CCNY: variants seen among roughly 807,000 people sequenced by gnomAD.
CCNY encodes the protein cyclin Y.
In CCNY, 19 loss-of-function variants were observed where a neutral mutation model predicts 42.8. That is an observed-to-expected ratio of 0.44 (90% CI 0.31 to 0.65). The LOEUF is 0.65. Among genes scored for constraint, CCNY ranks in the 30% least tolerant of loss-of-function variants. The pLI is 0.07. For synonymous variants in CCNY, 165 were observed against 162.7 expected, an observed-to-expected ratio of 1.01 and a Z score of -0.11; for missense variants, 370 against 437.3, an observed-to-expected ratio of 0.85 and a Z score of 1.37.
chr10:35,439,356 C>A (rs186317027), intron 1 of CCNY, among the ~76,000 whole-genome samples: 1 of 152,176 alleles, frequency 6.6e-6, no homozygotes. Flanking sequence ...TTCTTTTGTT[C>A]CATCTTTCAG....
At chr10:35,537,212 G>A (rs1840904401) in intron 7 of CCNY, among the ~76,000 whole-genome samples, 1 of 152,248 alleles carries the variant, frequency 6.6e-6, no homozygotes, top group African/African-American at 2.4e-5. Context: ...GTGTCCAGAA[G>A]TCAAGAATTG....
chr10:35,418,635 T>C (rs535880492), intron 1 of CCNY, among the ~76,000 whole-genome samples: 17 of 151,850 alleles, frequency 1.1e-4, no homozygotes, highest in Middle Eastern at 3.4e-3. Flanking sequence ...GAGTAGAGGG[T>C]GCTCAAGTGT....
At chr10:35,539,457 A>G (rs1840951696) in intron 7 of CCNY, among the ~76,000 whole-genome samples, 1 of 152,150 alleles carries the variant, frequency 6.6e-6, no homozygotes, top group African/African-American at 2.4e-5. Context: ...GTTTTTCTAT[A>G]GTTTTCAGTA....
intron 3 of CCNY, among the ~76,000 whole-genome samples, chr10:35,267,082 T>TCA (rs1428241933): frequency 1.2e-5 from 1 of 85,012 alleles, no homozygotes; most frequent in Non-Finnish European, 2.6e-5. Context: ...GACTTCTGTC[T>TCA]CAAAAAAAAA....
chr10:35,522,812 A>G (rs934877763), intron 4 of CCNY, among the ~76,000 whole-genome samples: 2 of 152,190 alleles, frequency 1.3e-5, no homozygotes, highest in African/African-American at 4.8e-5. Context: ...AATATGAAAG[A>G]TTGTCCTATA....
At chr10:35,483,521 G>A in intron 2 of CCNY, 43 bp downstream of exon 2, 1 of 1,269,632 alleles carries the variant, frequency 7.9e-7, no homozygotes, top group South Asian at 1.3e-5. Context: ...AAAGGCTCAT[G>A]TTGGTACTTC....
intron 4 of CCNY, among the ~76,000 whole-genome samples, chr10:35,517,370 C>CCTGT (rs1274043638): frequency 2.0e-5 from 3 of 152,116 alleles, no homozygotes; most frequent in Non-Finnish European, 4.4e-5. Flanking sequence ...TGTGCTTGGG[C>CCTGT]CTGTGGTCAG....
chr10:35,370,887 G>T lies in CCNY; in HGVS notation c.154+33680G>T, dbSNP rs971576653. ...CCTGCCACCACGCCCGGCTAATTTT[G>T]TGTATTTTTAGTAGAGACAGGGTTT... is the stretch of plus-strand genomic sequence containing the variant. On this transcript the variant is annotated intron_variant, in intron 1 of 9. Coordinates refer to ENST00000374704, the MANE Select transcript of CCNY (RefSeq NM_145012.6). Among the ~76,000 whole-genome samples, 490 of 149,778 alleles carry T rather than the reference G, an allele frequency of 3.3e-3. 3 individuals carry two copies. Among genetic ancestry groups the T allele is most frequent in the African/African-American group, 0.011 (459 of 40,122 alleles).
intron 3 of CCNY, among the ~76,000 whole-genome samples, chr10:35,274,243 C>T (rs1295025020): frequency 2.6e-5 from 4 of 152,238 alleles, no homozygotes; most frequent in African/African-American, 7.2e-5. Context: ...AACCATCAGA[C>T]CTTGTGAGAC....
intron 2 of CCNY, among the ~76,000 whole-genome samples, chr10:35,498,974 G>A (rs901751513): frequency 2.0e-5 from 3 of 152,194 alleles, no homozygotes; most frequent in Non-Finnish European, 4.4e-5. Context: ...TTCTGTAATA[G>A]TCTTAGTGAA....
intron 1 of CCNY, among the ~76,000 whole-genome samples, chr10:35,425,110 GAC>G (rs890174103): frequency 6.6e-6 from 1 of 152,204 alleles, no homozygotes; most frequent in African/African-American, 2.4e-5. Context: ...ATGCACGGGA[GAC>G]ACACACTGTT....
chr10:35,494,238 C>CCA (rs1554794893), intron 2 of CCNY, among the ~76,000 whole-genome samples: 1 of 141,020 alleles, frequency 7.1e-6, no homozygotes, highest in African/African-American at 2.6e-5. Flanking sequence ...AGTGAGACCC[C>CCA]CCCCCCCATT....
intron 1 of CCNY, among the ~76,000 whole-genome samples, chr10:35,433,302 T>C (rs1253932900): frequency 6.6e-6 from 1 of 152,186 alleles, no homozygotes; most frequent in African/African-American, 2.4e-5. Context: ...TTGTACTCTC[T>C]TCTCAGCTTT....
chr10:35,344,807 T>G (rs946849882), intron 1 of CCNY, among the ~76,000 whole-genome samples: 3 of 152,066 alleles, frequency 2.0e-5, no homozygotes, highest in Non-Finnish European at 2.9e-5. Flanking sequence ...TTCCCACCTA[T>G]GAGTGAGAAC....
At chr10:35,383,272 TAG>T (rs1837230017) in intron 1 of CCNY, among the ~76,000 whole-genome samples, 2 of 152,048 alleles carry the variant, frequency 1.3e-5, no homozygotes, top group Non-Finnish European at 2.9e-5. Flanking sequence ...CTTAGTAAAG[TAG>T]GAAATTGAAC....
chr10:35,388,357 G>A (rs1357167564), intron 1 of CCNY, among the ~76,000 whole-genome samples: 4 of 152,196 alleles, frequency 2.6e-5, no homozygotes. Flanking sequence ...GTACTAGGTG[G>A]CACTGCAGTT....
chr10:35,465,757 TC>T (rs1158951905), intron 1 of CCNY, among the ~76,000 whole-genome samples: 2 of 152,130 alleles, frequency 1.3e-5, no homozygotes, highest in African/African-American at 4.8e-5. Flanking sequence ...CAAATAAAAA[TC>T]CAGCTCTGCG....
chr10:35,416,893 A>G (rs761903880), intron 1 of CCNY, among the ~76,000 whole-genome samples: 1 of 152,320 alleles, frequency 6.6e-6, no homozygotes, highest in Non-Finnish European at 1.5e-5. Flanking sequence ...ACCAGGGAAG[A>G]GAAAGCCCAG....
At chr10:35,274,501 C>T (rs1835214567) in intron 3 of CCNY, among the ~76,000 whole-genome samples, 1 of 152,196 alleles carries the variant, frequency 6.6e-6, no homozygotes, top group Non-Finnish European at 1.5e-5. Context: ...GGCTCCTAAA[C>T]CTGCACAGAG....
Sources: allele counts gnomAD v4.1 joint callset (sites outside exome capture counted in the v4.1 genomes callset), GRCh38; gene constraint gnomAD v4.1.1; transcripts MANE v1.5; gene names NCBI Gene and HGNC (gene_info 2026-07-23, HGNC 2026-07-21).